CLUL1: variants seen among roughly 807,000 people sequenced by gnomAD.
CLUL1 encodes clusterin-like protein 1.
CLUL1 carries 43 observed loss-of-function variants against 49.4 expected under a neutral mutation model. The ratio of observed to expected loss-of-function variants is 0.87; its 90% CI spans 0.68 to 1.12. The LOEUF is 1.12. Among genes scored for constraint, CLUL1 ranks in the 50% most tolerant of loss-of-function variants. CLUL1 has a pLI of 0.00. For synonymous variants in CLUL1, 192 were observed against 184.9 expected (o/e 1.04, Z -0.31); for missense variants, 486 against 544.4 (o/e 0.89, Z 1.07).
chr18:637,072 C>A (rs756292137), intron 7 of CLUL1, among the ~76,000 whole-genome samples: 6 of 151,822 alleles, frequency 4.0e-5, no homozygotes, highest in Non-Finnish European at 7.4e-5. Flanking sequence ...GTGCAACCTC[C>A]GCCTTCTGGG....
Position 627,405 on chromosome 18 carries a change from A to T in CLUL1, c.732A>T (p.Gln244His). The change falls in exon 6 of 10, where the codon CAA becomes CAT. Residue 244 changes from glutamine (Q) to histidine (H), a missense_variant. Transcript: ENST00000692774. ...KEPMTKADLE[Q>H]CWDIPNFFQL... ...CGATGACAAAAGCAGATCTTGAGCA[A>T]TGTTGGGACATTCCCAACTTCTTCC... The T allele has an allele frequency of 2.5e-6, 4 of 1,614,184 alleles. No individual in the cohort carries two copies. The highest frequency in any genetic ancestry group is 3.4e-6 in the Non-Finnish European group (4 of 1,180,016).
chr18:618,536 C>A lies in CLUL1; in HGVS notation c.106+430C>A, dbSNP rs748621940. ...AATCTGGTTGTTCTGTGGCCATTAA[C>A]TTGCAACTTTGCTTGGTGATATATA... On this transcript the variant is annotated intron_variant, in intron 3 of 9. Transcript: ENST00000692774. The surrounding 1 kb of genome is among the most constrained non-coding windows in gnomAD (Gnocchi z 4.2). Among the ~76,000 whole-genome samples the A allele has an allele frequency of 1.1e-4, 16 of 152,160 alleles. No homozygotes were observed. Among genetic ancestry groups the A allele is most frequent in the Non-Finnish European group, 1.3e-4 (9 of 68,032 alleles).
At chr18:598,088 C>T (rs2072707410) in intron 1 of CLUL1, 1 of 152,728 alleles carries the variant, frequency 6.5e-6, no homozygotes, top group Admixed American at 6.5e-5. Flanking sequence ...GATGCAAGAA[C>T]AGAATTTTCA....
At chr18:625,698 C>T (rs1286162545) in intron 5 of CLUL1, among the ~76,000 whole-genome samples, 1 of 152,088 alleles carries the variant, frequency 6.6e-6, no homozygotes, top group Admixed American at 6.5e-5. Context: ...CCACTAACGG[C>T]TCCAATTAAG....
At chr18:615,059 T>A (rs1171928785) in intron 2 of CLUL1, among the ~76,000 whole-genome samples, 2 of 152,238 alleles carry the variant, frequency 1.3e-5, no homozygotes, top group Non-Finnish European at 2.9e-5. Context: ...TGCATCCTCT[T>A]GCCATCTTTC....
At position 638,734 on chromosome 18, in the gene CLUL1, T is replaced by G. The variant is rs2074233966; in HGVS notation, c.995-2593T>G. ...TTAGCCAGGTGTGGTGGTACGCACC[T>G]GTAGTCTCAGCTACTCCGGAGGCTG... On this transcript the variant is annotated intron_variant, in intron 7 of 9. Transcript: ENST00000692774. Among the ~76,000 whole-genome samples, 5 of 152,048 alleles carry G rather than the reference T, an allele frequency of 3.3e-5. No homozygotes were observed. In the South Asian group the frequency reaches 1.0e-3, roughly 32 times the overall value.
At chr18:647,019 G>A (rs2074527568) in intron 9 of CLUL1, among the ~76,000 whole-genome samples, 1 of 151,808 alleles carries the variant, frequency 6.6e-6, no homozygotes. Flanking sequence ...CCAAAGTGCT[G>A]GGATCACAGG....
Position 641,393 on chromosome 18 carries a change from A to ATCAGCAG in CLUL1, c.1063_1069dup (p.Tyr357SerfsTer33), listed in dbSNP as rs923159734. ...GCGATCAGGTTGGTCAATGTATCCA[A>ATCAGCAG]TCAGCAGTATGGCCAGATTCTCCAG... On this transcript the variant is annotated frameshift_variant, in exon 8 of 10. Coordinates refer to ENST00000692774, the MANE Select transcript of CLUL1 (RefSeq NM_001393344.1). LOFTEE classifies it high-confidence loss of function. The ATCAGCAG allele has an allele frequency of 1.9e-6, 3 of 1,614,222 alleles. No individual in the cohort carries two copies. The highest frequency in any genetic ancestry group is 2.5e-6 in the Non-Finnish European group (3 of 1,180,050).
chr18:626,255 G>T (rs1162907658), intron 5 of CLUL1, among the ~76,000 whole-genome samples: 1 of 152,120 alleles, frequency 6.6e-6, no homozygotes, highest in Non-Finnish European at 1.5e-5. Context: ...TGGGATTACA[G>T]GCGCCCACCA....
At chr18:623,045 T>TTC (rs1398627315) in intron 4 of CLUL1, among the ~76,000 whole-genome samples, 2 of 151,342 alleles carry the variant, frequency 1.3e-5, no homozygotes, top group Non-Finnish European at 2.9e-5. Flanking sequence ...TTTTTTTTTT[T>TTC]TTTTGAGACA....
chr18:635,476 T>A (rs3859386), intron 7 of CLUL1, among the ~76,000 whole-genome samples: 25,297 of 151,964 alleles, frequency 0.17, 2,335 homozygotes, highest in Middle Eastern at 0.24. Flanking sequence ...GGCCCAGGGG[T>A]TGGGGACCCC....
intron 7 of CLUL1, among the ~76,000 whole-genome samples, chr18:634,239 C>T (rs2074075803): frequency 6.6e-6 from 1 of 152,138 alleles, no homozygotes; most frequent in Non-Finnish European, 1.5e-5. Flanking sequence ...AAGCAATTCT[C>T]CTGCCTCAGC....
chr18:638,287 A>C (rs755568525), intron 7 of CLUL1, among the ~76,000 whole-genome samples: 2 of 152,236 alleles, frequency 1.3e-5, no homozygotes, highest in African/African-American at 4.8e-5. Flanking sequence ...CATCCCATCT[A>C]TGTATCATTA....
At chr18:617,386 G>T (rs934008125) in intron 2 of CLUL1, among the ~76,000 whole-genome samples, 1 of 152,122 alleles carries the variant, frequency 6.6e-6, no homozygotes, top group African/African-American at 2.4e-5. Context: ...CCTGAGGTCA[G>T]TAGTTCGAGA....
intron 8 of CLUL1, among the ~76,000 whole-genome samples, chr18:644,554 C>A (rs193212131): frequency 3.9e-5 from 6 of 152,308 alleles, no homozygotes; most frequent in African/African-American, 1.4e-4. Context: ...GCCAGTGAAG[C>A]GTGAGCAAAA....
At chr18:609,262 G>C (rs1450665791) in intron 2 of CLUL1, among the ~76,000 whole-genome samples, 1 of 152,186 alleles carries the variant, frequency 6.6e-6, no homozygotes. Flanking sequence ...ACACTCTGTA[G>C]TTGTCTTTCA....
At position 606,535 on chromosome 18, in the gene CLUL1, C is replaced by T. The variant is rs2072977747; in HGVS notation, c.-135-443C>T. 6.6e-6 allele frequency among the ~76,000 whole-genome samples: 1 copy of T among 152,122 alleles called. No homozygotes were observed. The highest frequency in any genetic ancestry group is 1.5e-5 in the Non-Finnish European group (1 of 68,018). On this transcript the variant is annotated intron_variant, in intron 1 of 9. Coordinates refer to ENST00000692774, the MANE Select transcript of CLUL1 (RefSeq NM_001393344.1). The surrounding 1 kb of genome is among the most constrained non-coding windows in gnomAD (Gnocchi z 4.1). ...GAGACTCTGGCTGTCCCCCAACCCACCCCATCTTCCTTGTCCTCACCCCTG... is the reference window on the plus strand; with the variant it reads ...GAGACTCTGGCTGTCCCCCAACCCATCCCATCTTCCTTGTCCTCACCCCTG...
Position 606,946 on chromosome 18 carries a change from ATTTCT to A in CLUL1, c.-135-23_-135-19del. On this transcript the variant is annotated intron_variant, in intron 1 of 9. Coordinates refer to ENST00000692774, the MANE Select transcript of CLUL1 (RefSeq NM_001393344.1). This position sits in a 1 kb window ranked among gnomAD's most constrained non-coding sequence, Gnocchi z 4.1. ...TAATAATTTTAGGCGGCTCCCTAAA[ATTTCT>A]TTTCTTTTTTCTTTTCTTTTCTTTA... 1.7e-6 allele frequency: 1 copy of A among 600,762 alleles called. No individual in the cohort carries two copies. The highest frequency in any genetic ancestry group is 2.0e-5 in the South Asian group (1 of 49,306). The allele number at this position is 600,762 out of a possible 1,614,324, so 37.2% of individuals were successfully genotyped here.
Position 641,548 on chromosome 18 carries a change from GAGA to G in CLUL1, c.1209+8_1209+10del. ...CATCTTTAATTCAATACAGGTAAAG[GAGA>G]GACCCAAGAGCAGATACGGAAATGA... On this transcript the variant is annotated splice_region_variant and intron_variant, in intron 8 of 9. Transcript: ENST00000692774. The G allele has an allele frequency of 6.2e-7, 1 of 1,611,934 alleles. No homozygotes were observed. Among genetic ancestry groups the G allele is most frequent in the Non-Finnish European group, 8.5e-7 (1 of 1,178,210 alleles).
Sources: gnomAD v4.1 joint callset for allele counts (sites outside exome capture counted in the v4.1 genomes callset) on GRCh38, gnomAD v4.1.1 for gene constraint, Gnocchi (gnomAD v3.1) non-coding constraint, MANE v1.5 for transcripts, NCBI Gene and HGNC (gene_info 2026-07-23, HGNC 2026-07-21) for gene names.